The following SDF4 variants were observed in gnomAD, a reference collection of about 807,000 sequenced individuals.
SDF4 encodes the protein 45 kDa calcium-binding protein.
SDF4 carries 22 observed loss-of-function variants against 34.2 expected under a neutral mutation model. The ratio of observed to expected loss-of-function variants is 0.64; its 90% CI spans 0.46 to 0.92. The LOEUF (loss-of-function observed/expected upper bound fraction) is 0.92, where lower values mean the gene tolerates loss of function less well. Ranked by LOEUF, SDF4 falls within the 40% of genes least tolerant of loss-of-function variation. The pLI, the probability that SDF4 is intolerant of heterozygous loss-of-function variation, is 0.00. For synonymous variants in SDF4, 236 were observed against 203.1 expected (o/e 1.16, Z -1.38); for missense variants, 447 against 499.9 (o/e 0.89, Z 1.01).
At chr1:1,226,951 C>T (rs1341167946) in intron 2 of SDF4, among the ~76,000 whole-genome samples, 1 of 152,162 alleles carries the variant, frequency 6.6e-6, no homozygotes, top group Non-Finnish European at 1.5e-5. Context: ...CCAGCAGCCT[C>T]TTCGTGGGTT....
intron 4 of SDF4, chr1:1,220,698 G>A: frequency 7.8e-7 from 1 of 1,289,238 alleles, no homozygotes; most frequent in Non-Finnish European, 1.0e-6. Flanking sequence ...TCACAGAAAT[G>A]TCACAGAGCT....
Position 1,219,410 on chromosome 1 carries a change from C to G in SDF4, c.557-483G>C, listed in dbSNP as rs979454825. On this transcript the variant is annotated intron_variant, in intron 4 of 6. Coordinates refer to ENST00000360001, the MANE Select transcript of SDF4 (RefSeq NM_016176.6). The stretch of plus-strand genomic sequence containing the variant: ...CCTCAGGATGGGCCTGGGCCCCACC[C>G]CCCACACCCGCGCCTGCCCCTCTGG... 4 of 1,017,638 alleles carry G rather than the reference C, an allele frequency of 3.9e-6. No homozygotes were observed. In the African/African-American group the frequency reaches 7.0e-5, roughly 18 times the overall value. 63.0% of individuals were successfully genotyped at this position (1,017,638 alleles called of 1,614,324 possible).
In SDF4 at chr1:1,223,929, C is replaced by A. The variant is rs1451147044; in HGVS notation, c.345G>T (p.Glu115Asp). 6.2e-7 allele frequency: 1 copy of A among 1,611,678 alleles called. No individual in the cohort carries two copies. The highest frequency in any genetic ancestry group is 8.5e-7 in the Non-Finnish European group (1 of 1,179,854). ...VNTDRKISAKEMQRWIMEKTA... is the reference protein window; with the variant it reads ...VNTDRKISAKDMQRWIMEKTA... ...TCTTCTCCATGATCCAGCGCTGCAT[C>A]TCCTTGGCACTGATCTTCCGGTCAG... Residue 115 changes from glutamate to aspartate, a missense_variant, in exon 3 of 7, where the codon GAG (glutamate) becomes GAT (aspartate). Glu to Asp is a conservative substitution (Grantham distance 45, BLOSUM62 2). Coordinates refer to ENST00000360001, the MANE Select transcript of SDF4 (RefSeq NM_016176.6).
rs775144795 is a variant in SDF4, at chr1:1,218,678, C to T, written c.716-45G>A. The T allele has an allele frequency of 4.3e-5, 69 of 1,612,232 alleles. No homozygotes were observed. Among genetic ancestry groups the T allele is most frequent in the African/African-American group, 6.7e-5 (5 of 74,918 alleles). Reference sequence around the variant, plus strand: ...CAGCCCACACCCAGGCTGGGGCTCCCGCAGGACCTGCCCCGACCTCCCGAC... The same window carrying T: ...CAGCCCACACCCAGGCTGGGGCTCCTGCAGGACCTGCCCCGACCTCCCGAC... On this transcript the variant is annotated intron_variant, in intron 5 of 6. Coordinates refer to ENST00000360001, the MANE Select transcript of SDF4 (RefSeq NM_016176.6). The surrounding 1 kb of genome is among the most constrained non-coding windows in gnomAD (Gnocchi z 7.9).
In SDF4 at chr1:1,223,296, C is replaced by G; in HGVS notation, c.504G>C (p.Lys168Asn). ...TGAGCCTGATGGCGTCGGCAACCTC[C>G]TTCTCGCTATGGCCTTTACTCGCCA... ...KFLASKGHSE[K>N]EVADAIRLNE... Residue 168 changes from lysine to asparagine, a missense_variant, in exon 4 of 7, where the codon AAG becomes AAC. Physicochemically the swap from Lys to Asn is moderately conservative, Grantham distance 94. Transcript: ENST00000360001. The G allele has an allele frequency of 6.2e-7, 1 of 1,614,140 alleles. No individual in the cohort carries two copies. Among genetic ancestry groups the G allele is most frequent in the Non-Finnish European group, 8.5e-7 (1 of 1,180,024 alleles).
At chr1:1,231,380 G>A (rs1415982310) in intron 1 of SDF4, among the ~76,000 whole-genome samples, 2 of 152,234 alleles carry the variant, frequency 1.3e-5, no homozygotes, top group African/African-American at 2.4e-5. Flanking sequence ...GTGGAACGAG[G>A]CTATTTCTGG....
intron 2 of SDF4, among the ~76,000 whole-genome samples, chr1:1,227,909 C>A (rs1434670001): frequency 6.6e-6 from 1 of 152,164 alleles, no homozygotes; most frequent in Non-Finnish European, 1.5e-5. Flanking sequence ...CCACTGACAG[C>A]ACAGCTCTGC....
rs1229849953 is a variant in SDF4 at position 1,217,638 on chromosome 1, C to T, written c.942G>A (p.Gln314=). Residue 314 remains glutamine, a synonymous_variant, in exon 7 of 7, where the codon CAG becomes CAA. Transcript: ENST00000360001. The surrounding 1 kb of genome is among the most constrained non-coding windows in gnomAD (Gnocchi z 8.5). The stretch of plus-strand genomic sequence containing the variant: ...GGTTCTCGTCGGCGACGGCGATCAT[C>T]TGCTTGGCCTCGTTCAGCGCGTTGT... ...NEYNALNEAK[Q]MIAVADENQN... 2.5e-6 allele frequency: 4 copies of T among 1,613,878 alleles called. No individual in the cohort carries two copies. The highest frequency in any genetic ancestry group is 2.2e-5 in the East Asian group (1 of 44,844).
rs1649702385 is a variant in SDF4, at chr1:1,218,797, G to A, written c.687C>T (p.Phe229=). ...HPEHSRGMLR[F]MVKEIVRDLD... ...GGTCCCGGACGATCTCCTTCACCAT[G>A]AACCTGAGCATTCCCCGGCTGTGCT... Residue 229 remains phenylalanine, a synonymous_variant, in exon 5 of 7, where the codon TTC becomes TTT. Transcript: ENST00000360001. This position sits in a 1 kb window ranked among gnomAD's most constrained non-coding sequence, Gnocchi z 7.9. 5 of 1,610,920 alleles carry A rather than the reference G, an allele frequency of 3.1e-6. No homozygotes were observed. The highest frequency in any genetic ancestry group is 3.4e-6 in the Non-Finnish European group (4 of 1,178,052).
intron 4 of SDF4, chr1:1,219,787 T>C (rs1041771672): frequency 3.0e-5 from 30 of 985,958 alleles, no homozygotes; most frequent in Non-Finnish European, 3.1e-5. Context: ...AAGTCCAGTG[T>C]TGAGGCCCAC....
chr1:1,223,786 G>GCCCCCCCCCCCC, intron 3 of SDF4, 46 bp downstream of exon 3: 1 of 585,242 alleles, frequency 1.7e-6, no homozygotes, highest in South Asian at 2.1e-5. Flanking sequence ...CCATGGCCCT[G>GCCCCCCCCCCCC]CCCGCCCCGC....
chr1:1,218,704 G>A lies in SDF4; in HGVS notation c.715+65C>T, dbSNP rs535452885. 34 of 1,611,312 alleles carry A rather than the reference G, an allele frequency of 2.1e-5. No homozygotes were observed. The highest frequency in any genetic ancestry group is 1.6e-4 in the South Asian group (15 of 90,984). On this transcript the variant is annotated intron_variant, in intron 5 of 6. Transcript: ENST00000360001. This position sits in a 1 kb window ranked among gnomAD's most constrained non-coding sequence, Gnocchi z 7.9. Reference sequence around the variant, plus strand: ...GCAGGACCTGCCCCGACCTCCCGACGATGCCCGGCCCCTGCCAGTCGGTCC... The same window carrying A: ...GCAGGACCTGCCCCGACCTCCCGACAATGCCCGGCCCCTGCCAGTCGGTCC...
At chr1:1,226,881 A>G (rs1232040058) in intron 2 of SDF4, among the ~76,000 whole-genome samples, 1 of 152,170 alleles carries the variant, frequency 6.6e-6, no homozygotes, top group Non-Finnish European at 1.5e-5. Context: ...TTCCCCTGTG[A>G]TGCCGCGAGC....
At position 1,218,057 on chromosome 1, in the gene SDF4, G is replaced by A. The variant is rs962040454; in HGVS notation, c.892-369C>T. Reference sequence around the variant, plus strand: ...AAACAAGCCTACACATGATACCAGTGAAAACGCTTCAGAGGAAGGTGGTAA... The same window carrying A: ...AAACAAGCCTACACATGATACCAGTAAAAACGCTTCAGAGGAAGGTGGTAA... On this transcript the variant is annotated intron_variant, in intron 6 of 6. Transcript: ENST00000360001. The surrounding 1 kb of genome is among the most constrained non-coding windows in gnomAD (Gnocchi z 7.9). 2.0e-5 allele frequency among the ~76,000 whole-genome samples: 3 copies of A among 152,236 alleles called. No individual in the cohort carries two copies. Among genetic ancestry groups the A allele is most frequent in the Admixed American group, 2.0e-4 (3 of 15,290 alleles).
intron 1 of SDF4, among the ~76,000 whole-genome samples, chr1:1,229,547 C>T (rs1045363612): frequency 6.6e-6 from 1 of 152,184 alleles, no homozygotes; most frequent in Admixed American, 6.5e-5. Context: ...AGCCCTGTCT[C>T]TCCGTCTTTC....
rs759485621 is a variant in SDF4 at position 1,228,499 on chromosome 1, T to A, written c.274A>T (p.Ser92Cys). ...GFDEDAEPRR[S>C]RRKLMVIFSK... ...AAGATGACCATCAGCTTCCTCCGGC[T>A]CCGCCGCGGCTCCGCGTCCTCATCA... The change falls in exon 2 of 7, where the codon AGC (serine) becomes TGC (cysteine). Residue 92 changes from serine (S) to cysteine (C), a missense_variant. Physicochemically the swap from Ser to Cys is moderately radical, Grantham distance 112. Transcript: ENST00000360001. 6.2e-7 allele frequency: 1 copy of A among 1,608,758 alleles called. No individual in the cohort carries two copies. Among genetic ancestry groups the A allele is most frequent in the South Asian group, 1.1e-5 (1 of 90,968 alleles).
chr1:1,218,267 C>T lies in SDF4; in HGVS notation c.891+191G>A, dbSNP rs988048616. On this transcript the variant is annotated intron_variant, in intron 6 of 6. Transcript: ENST00000360001. The surrounding 1 kb of genome is among the most constrained non-coding windows in gnomAD (Gnocchi z 7.9). The stretch of plus-strand genomic sequence containing the variant: ...CCAGGCTCGCCTGTCTCTGATCCGT[C>T]TGAACCTAAACGCCAACAACGGCCA... Among the ~76,000 whole-genome samples the T allele has an allele frequency of 2.6e-5, 4 of 152,066 alleles. No homozygotes were observed. The highest frequency in any genetic ancestry group is 5.9e-5 in the Non-Finnish European group (4 of 68,000).
At chr1:1,220,129 G>A (rs1016656879) in intron 4 of SDF4, 28 of 986,908 alleles carry the variant, frequency 2.8e-5, no homozygotes, top group Admixed American at 6.1e-5. Context: ...TCTCACAGCC[G>A]CCGCCGAGCC....
chr1:1,220,793 G>C, intron 4 of SDF4: 3 of 1,278,620 alleles, frequency 2.3e-6, no homozygotes, highest in Non-Finnish European at 3.1e-6. Context: ...AGAGTTGGGG[G>C]GCGGGCACGG....
Sources: gnomAD v4.1 joint callset for allele counts (sites outside exome capture counted in the v4.1 genomes callset) on GRCh38, gnomAD v4.1.1 for gene constraint, Gnocchi (gnomAD v3.1) non-coding constraint, MANE v1.5 for transcripts, NCBI Gene and HGNC (gene_info 2026-07-23, HGNC 2026-07-21) for gene names.